The following AMN1 variants were observed in gnomAD, a reference collection of about 807,000 sequenced individuals.
AMN1 encodes the protein protein AMN1 homolog.
Under a neutral mutation model 33.0 loss-of-function variants are expected in AMN1, and 20 were observed. The observed-to-expected ratio is 0.61, with a 90% CI of 0.43 to 0.88. The LOEUF (loss-of-function observed/expected upper bound fraction) is 0.88, where lower values mean the gene tolerates loss of function less well. Among genes scored for constraint, AMN1 ranks in the 40% least tolerant of loss-of-function variants. The pLI is 0.00. For synonymous variants in AMN1, 114 were observed against 111.9 expected, an observed-to-expected ratio of 1.02 and a Z score of -0.12; for missense variants, 246 against 307.4, an observed-to-expected ratio of 0.80 and a Z score of 1.49.
chr12:31,699,493 C>T (rs1440175722), intron 3 of AMN1, among the ~76,000 whole-genome samples: 2 of 150,638 alleles, frequency 1.3e-5, no homozygotes, highest in African/African-American at 4.9e-5. Context: ...ACTTGATGAG[C>T]TTCTGGGTTG....
intron 6 of AMN1, among the ~76,000 whole-genome samples, chr12:31,677,628 A>G (rs935713416): frequency 6.6e-6 from 1 of 152,146 alleles, no homozygotes; most frequent in Non-Finnish European, 1.5e-5. Context: ...TCCCCAAAGT[A>G]TGGCACTTTG....
rs548276461 is a variant in AMN1, at chr12:31,688,200, C to T, written c.703+807G>A. 1.9e-3 allele frequency among the ~76,000 whole-genome samples: 284 copies of T among 152,292 alleles called. 1 individual carries two copies. The highest frequency in any genetic ancestry group is 3.4e-3 in the Middle Eastern group (1 of 294). ...AACTCCCAACCTCAGGTGATCCACC[C>T]GCCTTGGCCTCCCAAAGTAATGGGA... On this transcript the variant is annotated intron_variant, in intron 6 of 6. Transcript: ENST00000281471.
chr12:31,712,640 G>C (rs1211269697), intron 1 of AMN1, among the ~76,000 whole-genome samples: 1 of 151,872 alleles, frequency 6.6e-6, no homozygotes, highest in African/African-American at 2.4e-5. Flanking sequence ...TGGGCACTTA[G>C]GTTGATTCCA....
intron 3 of AMN1, among the ~76,000 whole-genome samples, chr12:31,699,675 T>A (rs1378207355): frequency 6.6e-6 from 1 of 152,166 alleles, no homozygotes; most frequent in Non-Finnish European, 1.5e-5. Flanking sequence ...CTGAGTTTTG[T>A]GAGCCATTCT....
intron 1 of AMN1, among the ~76,000 whole-genome samples, chr12:31,722,662 C>T (rs956315057): frequency 6.6e-6 from 1 of 152,154 alleles, no homozygotes. Flanking sequence ...GCATGATATG[C>T]AGCTTTCTTT....
chr12:31,692,246 C>T (rs1461633842), intron 5 of AMN1, among the ~76,000 whole-genome samples: 2 of 151,628 alleles, frequency 1.3e-5, no homozygotes, highest in Non-Finnish European at 2.9e-5. Context: ...CACCTGAGGT[C>T]AGGAGTTCGA....
intron 1 of AMN1, among the ~76,000 whole-genome samples, chr12:31,728,025 T>C (rs1186593084): frequency 6.6e-6 from 1 of 152,120 alleles, no homozygotes; most frequent in African/African-American, 2.4e-5. Flanking sequence ...CGTGCCCAGA[T>C]AATTTTTGTA....
chr12:31,714,961 T>C, intron 1 of AMN1: 1 of 962,232 alleles, frequency 1.0e-6, no homozygotes, highest in Non-Finnish European at 1.2e-6. Context: ...TCTGGTAAAA[T>C]TAGGACAGAA....
At chr12:31,697,663 T>A (rs12824502) in intron 4 of AMN1, 77 bp downstream of exon 4, 3 of 1,455,230 alleles carry the variant, frequency 2.1e-6, no homozygotes, top group South Asian at 1.2e-5. Flanking sequence ...GAACTCCTTA[T>A]GATATGTTCT....
chr12:31,727,562 T>C (rs1940125370), intron 1 of AMN1, among the ~76,000 whole-genome samples: 1 of 152,194 alleles, frequency 6.6e-6, no homozygotes, highest in Non-Finnish European at 1.5e-5. Flanking sequence ...ACCTTTACTC[T>C]TTTTATTTCA....
At chr12:31,697,090 T>C (rs529207815) in intron 5 of AMN1, among the ~76,000 whole-genome samples, 2 of 152,268 alleles carry the variant, frequency 1.3e-5, no homozygotes, top group East Asian at 3.9e-4. Flanking sequence ...TCTTCATCCA[T>C]AATAAGATGA....
At chr12:31,691,579 G>A (rs1319713011) in intron 5 of AMN1, among the ~76,000 whole-genome samples, 1 of 152,024 alleles carries the variant, frequency 6.6e-6, no homozygotes, top group East Asian at 1.9e-4. Flanking sequence ...AATTATACCT[G>A]AAAAATTTCA....
intron 6 of AMN1, among the ~76,000 whole-genome samples, chr12:31,680,659 A>G (rs1486007120): frequency 6.6e-6 from 1 of 152,196 alleles, no homozygotes; most frequent in Non-Finnish European, 1.5e-5. Flanking sequence ...ACTTAGAAAC[A>G]TAGTCGAGAA....
At chr12:31,702,055 C>T (rs1456635957) in intron 2 of AMN1, 48 bp from the exon 3 acceptor site, 6 of 1,440,186 alleles carry the variant, frequency 4.2e-6, no homozygotes, top group Non-Finnish European at 4.7e-6. Flanking sequence ...TCTATAAATA[C>T]AAATATTTAT....
intron 5 of AMN1, 123 bp downstream of exon 5, chr12:31,697,238 C>T (rs1354563563): frequency 1.5e-6 from 1 of 672,354 alleles, no homozygotes; most frequent in Non-Finnish European, 2.4e-6. Flanking sequence ...GATAGAACAC[C>T]CACCAACAAA....
chr12:31,719,040 G>A (rs1020636638), intron 1 of AMN1, among the ~76,000 whole-genome samples: 4 of 152,232 alleles, frequency 2.6e-5, no homozygotes, highest in South Asian at 4.1e-4. Context: ...TGGGAAGACC[G>A]TGGGAAAAGC....
intron 1 of AMN1, among the ~76,000 whole-genome samples, chr12:31,719,728 A>T (rs1939811614): frequency 6.6e-6 from 1 of 152,224 alleles, no homozygotes; most frequent in African/African-American, 2.4e-5. Context: ...ATAGATCCTA[A>T]GATCTAGCAA....
chr12:31,675,236 A>G (rs1951362599), intron 6 of AMN1, among the ~76,000 whole-genome samples: 1 of 151,654 alleles, frequency 6.6e-6, no homozygotes, highest in Non-Finnish European at 1.5e-5. Context: ...TGGGAAATAT[A>G]GTGAGACCCT....
At chr12:31,694,903 G>T (rs903606688) in intron 5 of AMN1, among the ~76,000 whole-genome samples, 2 of 151,932 alleles carry the variant, frequency 1.3e-5, no homozygotes, top group African/African-American at 4.8e-5. Context: ...AGGAGTTTGA[G>T]ACCAGCCTGG....
Sources: gnomAD v4.1 joint callset for allele counts (sites outside exome capture counted in the v4.1 genomes callset) on GRCh38, gnomAD v4.1.1 for gene constraint, MANE v1.5 for transcripts, NCBI Gene and HGNC (gene_info 2026-07-23, HGNC 2026-07-21) for gene names.